The following PCDHGA5 variants were observed in gnomAD, a reference collection of about 807,000 sequenced individuals.
PCDHGA5 encodes the protein protocadherin gamma-A5.
A neutral mutation model predicts 56.7 loss-of-function variants in PCDHGA5; 36 were observed. The observed-to-expected ratio is 0.64, with a 90% CI of 0.49 to 0.84. The LOEUF is 0.84. Ranked by LOEUF, PCDHGA5 falls within the 40% of genes least tolerant of loss-of-function variation. The pLI is 0.00. For missense variants in PCDHGA5, 1,305 were observed against 1,201.5 expected (o/e 1.09, Z -1.27); for synonymous variants, 563 against 520.2 (o/e 1.08, Z -1.12).
chr5:141,394,501 T>C (rs768158418), intron 1 of PCDHGA5: 1 of 1,614,216 alleles, frequency 6.2e-7, no homozygotes, highest in Admixed American at 1.7e-5. Context: ...CCCGAGATCC[T>C]GTACCCCGCC....
chr5:141,430,632 C>T, intron 1 of PCDHGA5: 1 of 852,604 alleles, frequency 1.2e-6, no homozygotes, highest in Non-Finnish European at 1.7e-6. Flanking sequence ...AATGAACCAT[C>T]CCTGGGAGTA....
intron 1 of PCDHGA5, chr5:141,404,476 C>T (rs1453332441): frequency 6.2e-7 from 1 of 1,613,362 alleles, no homozygotes; most frequent in South Asian, 1.1e-5. Context: ...TCTCTATTAA[C>T]TCAGACACTG....
At chr5:141,409,919 G>A in intron 1 of PCDHGA5, 1 of 1,613,346 alleles carries the variant, frequency 6.2e-7, no homozygotes, top group Non-Finnish European at 8.5e-7. Flanking sequence ...TGACGGCTCC[G>A]CGTTCTTCGA....
At chr5:141,459,945 G>T (rs113794146) in intron 1 of PCDHGA5, among the ~76,000 whole-genome samples, 54 of 152,164 alleles carry the variant, frequency 3.5e-4, no homozygotes, top group Middle Eastern at 3.2e-3. Flanking sequence ...GGGCGTGATG[G>T]CAGGTGCCTG....
chr5:141,389,356 C>A (rs188323445), intron 1 of PCDHGA5: 4 of 1,613,916 alleles, frequency 2.5e-6, no homozygotes, highest in Non-Finnish European at 3.4e-6. Flanking sequence ...TGCATCATGG[C>A]CAGTGACCTG....
In PCDHGA5 at chr5:141,485,609, G is replaced by A. The variant is rs1432367043; in HGVS notation, c.2422-9198G>A. The A allele has an allele frequency of 6.2e-7, 1 of 1,612,252 alleles. No homozygotes were observed. Among genetic ancestry groups the A allele is most frequent in the Non-Finnish European group, 8.5e-7 (1 of 1,178,656 alleles). On this transcript the variant is annotated intron_variant, in intron 1 of 3. Transcript: ENST00000518069. This position sits in a 1 kb window ranked among gnomAD's most constrained non-coding sequence, Gnocchi z 5.7. ...GCTGGACTTGGAAATTGGGGAGGCA[G>A]CTCCTCCAGGACAGCGTTTCCCGTT...
At chr5:141,479,964 A>G (rs188553800) in intron 1 of PCDHGA5, among the ~76,000 whole-genome samples, 1 of 152,330 alleles carries the variant, frequency 6.6e-6, no homozygotes, top group East Asian at 1.9e-4. Context: ...AGTTAGTCAA[A>G]TGAGGTTCTA....
intron 1 of PCDHGA5, chr5:141,405,323 T>C (rs1420760439): frequency 6.2e-7 from 1 of 1,614,220 alleles, no homozygotes; most frequent in Non-Finnish European, 8.5e-7. Context: ...AAATGAGCCT[T>C]TGTGCGTCTC....
intron 1 of PCDHGA5, chr5:141,399,237 A>G: frequency 6.2e-7 from 1 of 1,614,002 alleles, no homozygotes; most frequent in South Asian, 1.1e-5. Context: ...TACATGACCA[A>G]GATTCTGGGG....
At chr5:141,419,739 G>A (rs200899065) in intron 1 of PCDHGA5, 179 of 1,613,652 alleles carry the variant, frequency 1.1e-4, no homozygotes, top group Admixed American at 2.5e-4. Context: ...GGCGAGGTGC[G>A]CATGGTGCGT....
chr5:141,371,694 T>C, intron 1 of PCDHGA5: 1 of 1,614,030 alleles, frequency 6.2e-7, no homozygotes, highest in African/African-American at 1.3e-5. Flanking sequence ...ACCGCTCTCC[T>C]CCAGCAAGAC....
chr5:141,430,622 A>T, intron 1 of PCDHGA5: 1 of 752,270 alleles, frequency 1.3e-6, no homozygotes, highest in Admixed American at 2.9e-5. Context: ...GATAGCTAGG[A>T]ATGAACCATC....
intron 1 of PCDHGA5, chr5:141,403,381 C>T (rs1022563452): frequency 4.3e-6 from 7 of 1,614,038 alleles, no homozygotes; most frequent in Non-Finnish European, 8.5e-7. Context: ...TAAAAATTAA[C>T]GAAATCGCGG....
At chr5:141,371,896 T>G (rs760450150) in intron 1 of PCDHGA5, 14 of 1,613,426 alleles carry the variant, frequency 8.7e-6, no homozygotes, top group Non-Finnish European at 1.1e-5. Flanking sequence ...CCGCGGGAGC[T>G]GTCGTCCTAC....
chr5:141,486,552 A>C lies in PCDHGA5; in HGVS notation c.2422-8255A>C. The C allele has an allele frequency of 6.2e-7, 1 of 1,614,136 alleles. No individual in the cohort carries two copies. The highest frequency in any genetic ancestry group is 1.1e-5 in the South Asian group (1 of 91,082). On this transcript the variant is annotated intron_variant, in intron 1 of 3. Coordinates refer to ENST00000518069, the MANE Select transcript of PCDHGA5 (RefSeq NM_018918.3). This position sits in a 1 kb window ranked among gnomAD's most constrained non-coding sequence, Gnocchi z 5.0. The stretch of plus-strand genomic sequence containing the variant: ...CCACCCTCTTTCTTTCAGAGGTCAC[A>C]TGAGGTGTTTGTTCCTGAGAACAAT...
At chr5:141,503,598 C>CAAA (rs765754054) in intron 2 of PCDHGA5, among the ~76,000 whole-genome samples, 1 of 65,748 alleles carries the variant, frequency 1.5e-5, no homozygotes. Context: ...GACTCCAGCT[C>CAAA]AAAAAAAAAA....
intron 1 of PCDHGA5, chr5:141,404,926 C>CA (rs765817542): frequency 1.2e-6 from 2 of 1,613,884 alleles, no homozygotes; most frequent in Non-Finnish European, 1.7e-6. Context: ...CGGCCACTGT[C>CA]ACGCTCACAG....
intron 1 of PCDHGA5, chr5:141,384,288 G>C: frequency 6.2e-7 from 1 of 1,613,784 alleles, no homozygotes; most frequent in South Asian, 1.1e-5. Flanking sequence ...ACATCGCTGA[G>C]AACAACCCCA....
chr5:141,491,802 G>A lies in PCDHGA5; in HGVS notation c.2422-3005G>A. 6.7e-7 allele frequency: 1 copy of A among 1,497,480 alleles called. No homozygotes were observed. Among genetic ancestry groups the A allele is most frequent in the East Asian group, 2.5e-5 (1 of 40,518 alleles). The allele number at this position is 1,497,480 out of a possible 1,614,324, so 92.8% of individuals were successfully genotyped here. ...ACTTGCATCCACTCCTCTCCGGCCG[G>A]CTTGGTCGCTGGCTGCGCTCCACCC... On this transcript the variant is annotated intron_variant, in intron 1 of 3. Coordinates refer to ENST00000518069, the MANE Select transcript of PCDHGA5 (RefSeq NM_018918.3). The surrounding 1 kb of genome is among the most constrained non-coding windows in gnomAD (Gnocchi z 6.9).
Sources: gnomAD v4.1 joint callset for allele counts (sites outside exome capture counted in the v4.1 genomes callset) on GRCh38, gnomAD v4.1.1 for gene constraint, Gnocchi (gnomAD v3.1) non-coding constraint, MANE v1.5 for transcripts, NCBI Gene and HGNC (gene_info 2026-07-23, HGNC 2026-07-21) for gene names.